AGBL1: variants seen among roughly 807,000 people sequenced by gnomAD.
AGBL1 encodes the protein AGBL carboxypeptidase 1.
Under a neutral mutation model 118.9 loss-of-function variants are expected in AGBL1, and 130 were observed. The observed-to-expected ratio is 1.09, with a 90% CI of 0.95 to 1.26. The LOEUF (loss-of-function observed/expected upper bound fraction) is 1.26, where lower values mean the gene tolerates loss of function less well. Among genes scored for constraint, AGBL1 ranks in the 50% most tolerant of loss-of-function variants. The pLI is 0.00. For missense variants in AGBL1, 1,584 were observed against 1,298.1 expected (o/e 1.22, Z -3.38); for synonymous variants, 555 against 478.9 (o/e 1.16, Z -2.08).
intron 21 of AGBL1, among the ~76,000 whole-genome samples, chr15:86,655,519 C>T (rs1490354901): frequency 6.6e-6 from 1 of 152,070 alleles, no homozygotes; most frequent in African/African-American, 2.4e-5. Context: ...CTTTTCTCTC[C>T]TCTTCTTCCC....
chr15:86,136,149 G>T (rs541888557), intron 1 of AGBL1, among the ~76,000 whole-genome samples: 1 of 152,242 alleles, frequency 6.6e-6, no homozygotes, highest in African/African-American at 2.4e-5. Flanking sequence ...GGAAGCAGTA[G>T]AATCTCCCAG....
At chr15:86,341,948 C>T (rs2080468003) in intron 17 of AGBL1, among the ~76,000 whole-genome samples, 1 of 151,976 alleles carries the variant, frequency 6.6e-6, no homozygotes, top group African/African-American at 2.4e-5. Flanking sequence ...AGATATTATT[C>T]AGGTTATATG....
At chr15:86,891,581 A>G (rs1217453392) in intron 22 of AGBL1, among the ~76,000 whole-genome samples, 1 of 130,350 alleles carries the variant, frequency 7.7e-6, no homozygotes. Context: ...ATAATGAGGA[A>G]AAAAAAAAAA....
chr15:86,158,622 A>G (rs2077224806), intron 4 of AGBL1, among the ~76,000 whole-genome samples: 1 of 152,232 alleles, frequency 6.6e-6, no homozygotes, highest in Non-Finnish European at 1.5e-5. Context: ...TCTATCATTC[A>G]GATCTATGAA....
intron 17 of AGBL1, among the ~76,000 whole-genome samples, chr15:86,336,855 A>G (rs2080377370): frequency 6.6e-6 from 1 of 152,220 alleles, no homozygotes; most frequent in South Asian, 2.1e-4. Flanking sequence ...GCAAGCTCCT[A>G]TGATGACACA....
chr15:86,318,853 GTTA>G (rs2080061274), intron 17 of AGBL1, among the ~76,000 whole-genome samples: 1 of 151,890 alleles, frequency 6.6e-6, no homozygotes, highest in East Asian at 1.9e-4. Flanking sequence ...TGAATGAAGT[GTTA>G]TTATTATATG....
At chr15:86,959,260 T>C (rs143815502) in intron 23 of AGBL1, among the ~76,000 whole-genome samples, 131 of 152,280 alleles carry the variant, frequency 8.6e-4, no homozygotes, top group African/African-American at 3.0e-3. Context: ...TCTTGTCCAA[T>C]TGATTAAAGG....
At chr15:86,253,085 G>C (rs28420295) in intron 7 of AGBL1, among the ~76,000 whole-genome samples, 2 of 152,190 alleles carry the variant, frequency 1.3e-5, no homozygotes, top group South Asian at 2.1e-4. Flanking sequence ...ACCCTCAGGT[G>C]GGGGAGTAGA....
At chr15:86,781,022 A>T (rs2078328525) in intron 22 of AGBL1, among the ~76,000 whole-genome samples, 1 of 152,042 alleles carries the variant, frequency 6.6e-6, no homozygotes, top group Non-Finnish European at 1.5e-5. Context: ...TATAATTTTT[A>T]TTAATTTAAT....
At chr15:86,927,156 TAAATAAATAATA>T (rs1204762983) in intron 23 of AGBL1, among the ~76,000 whole-genome samples, 1 of 150,808 alleles carries the variant, frequency 6.6e-6, no homozygotes, top group African/African-American at 2.4e-5. Flanking sequence ...AATAAATAAA[TAAATAAATAATA>T]AAATAAAATA....
intron 1 of AGBL1, chr15:86,083,366 G>A (rs1264565036): frequency 6.6e-6 from 1 of 152,098 alleles, no homozygotes; most frequent in Non-Finnish European, 1.5e-5. Context: ...TACGTTTATT[G>A]AAACATGAAA....
chr15:86,428,601 T>C (rs1452476417), intron 18 of AGBL1, among the ~76,000 whole-genome samples: 1 of 152,200 alleles, frequency 6.6e-6, no homozygotes, highest in Non-Finnish European at 1.5e-5. Context: ...ACCTCTCCTC[T>C]GAGAAAACCA....
intron 19 of AGBL1, among the ~76,000 whole-genome samples, chr15:86,542,842 A>G (rs2142245743): frequency 6.6e-6 from 1 of 152,276 alleles, no homozygotes; most frequent in East Asian, 1.9e-4. Context: ...TAGCTACTCT[A>G]GCATTCTTTT....
chr15:86,439,252 T>C (rs1295338545), intron 18 of AGBL1, among the ~76,000 whole-genome samples: 1 of 152,170 alleles, frequency 6.6e-6, no homozygotes, highest in Admixed American at 6.5e-5. Context: ...TCTGCCAATA[T>C]TTAAACGTTG....
chr15:86,370,129 G>A (rs2080950206), intron 17 of AGBL1, among the ~76,000 whole-genome samples: 1 of 151,954 alleles, frequency 6.6e-6, no homozygotes, highest in African/African-American at 2.4e-5. Context: ...TTGAACTGAA[G>A]GACAATGAAA....
intron 21 of AGBL1, among the ~76,000 whole-genome samples, chr15:86,561,625 T>G (rs905972383): frequency 3.9e-5 from 6 of 152,218 alleles, no homozygotes; most frequent in African/African-American, 1.4e-4. Flanking sequence ...TAGGATTGTC[T>G]TGGCAATGCG....
At chr15:86,794,958 G>A (rs960528217) in intron 22 of AGBL1, among the ~76,000 whole-genome samples, 1 of 152,074 alleles carries the variant, frequency 6.6e-6, no homozygotes, top group Admixed American at 6.6e-5. Flanking sequence ...AAGGCCACCC[G>A]GGGGGACCAG....
chr15:86,460,401 C>T (rs1240780796), intron 18 of AGBL1, among the ~76,000 whole-genome samples: 2 of 148,400 alleles, frequency 1.3e-5, no homozygotes, highest in Admixed American at 1.4e-4. Flanking sequence ...GAGGCTGAGG[C>T]AGGAGGATTC....
intron 22 of AGBL1, among the ~76,000 whole-genome samples, chr15:86,884,272 G>A (rs931585127): frequency 3.9e-5 from 6 of 152,194 alleles, no homozygotes; most frequent in African/African-American, 1.2e-4. Flanking sequence ...AGAATGGGCA[G>A]GTAGTATACA....
Sources: allele counts gnomAD v4.1 joint callset (sites outside exome capture counted in the v4.1 genomes callset), GRCh38; gene constraint gnomAD v4.1.1; transcripts MANE v1.5; gene names NCBI Gene and HGNC (gene_info 2026-07-23, HGNC 2026-07-21).